Variants in BICC1 observed in about 807,000 individuals in gnomAD.
The protein encoded by BICC1 is protein bicaudal C homolog 1.
BICC1 carries 43 observed loss-of-function variants against 111.0 expected under a neutral mutation model. That is an observed-to-expected ratio of 0.39 (90% CI 0.30 to 0.50). The LOEUF is 0.50. BICC1 is among the 20% of genes least tolerant of loss of function. The pLI is 0.88. For missense variants in BICC1, 1,091 were observed against 1,203.2 expected (o/e 0.91, Z 1.38); for synonymous variants, 467 against 434.4 (o/e 1.07, Z -0.93).
chr10:58,530,702 G>A (rs1649088), intron 1 of BICC1, among the ~76,000 whole-genome samples: 1,082 of 42,054 alleles, frequency 0.026, 61 homozygotes, highest in Admixed American at 0.04. Flanking sequence ...AAAAAAAAAA[G>A]AAAATCAGAA....
chr10:58,654,617 T>C (rs1838569823), intron 2 of BICC1, among the ~76,000 whole-genome samples: 1 of 89,416 alleles, frequency 1.1e-5, no homozygotes, highest in African/African-American at 3.9e-5. Context: ...GACAATTTTC[T>C]CCCATTTTGT....
intron 1 of BICC1, among the ~76,000 whole-genome samples, chr10:58,586,687 C>G (rs111346791): frequency 1.3e-5 from 2 of 151,586 alleles, no homozygotes; most frequent in Non-Finnish European, 2.9e-5. Context: ...CCCACACACA[C>G]TATATCCACA....
chr10:58,715,490 C>A, intron 3 of BICC1: 1 of 934,996 alleles, frequency 1.1e-6, no homozygotes, highest in Non-Finnish European at 1.7e-6. Context: ...TGTGGCAGGC[C>A]CTCTTCGGCC....
At chr10:58,808,914 C>A (rs1346515436) in intron 17 of BICC1, among the ~76,000 whole-genome samples, 2 of 151,996 alleles carry the variant, frequency 1.3e-5, no homozygotes, top group African/African-American at 4.8e-5. Flanking sequence ...AGAGTTTCAC[C>A]ATGTTGACCA....
chr10:58,534,617 AATGAGAAGAAATAGTCT>A (rs1196997406), intron 1 of BICC1, among the ~76,000 whole-genome samples: 1 of 151,670 alleles, frequency 6.6e-6, no homozygotes, highest in Non-Finnish European at 1.5e-5. Flanking sequence ...ATTCAAAAAT[AATGAGAAGAAATAGTCT>A]ACCCAAATGA....
chr10:58,566,676 T>G (rs1447417284), intron 1 of BICC1, among the ~76,000 whole-genome samples: 1 of 152,140 alleles, frequency 6.6e-6, no homozygotes, highest in Non-Finnish European at 1.5e-5. Flanking sequence ...TATTTTTTGA[T>G]TTTTTTGACT....
In BICC1 at chr10:58,554,248, C is replaced by G. The variant is rs569405123; in HGVS notation, c.190+40915C>G. ...TCTACAGTTAAGGAAAGCTGAGAGT[C>G]AGAGAGGACAATTTAAGTGATGAGC... On this transcript the variant is annotated intron_variant, in intron 1 of 20. Coordinates refer to ENST00000373886, the MANE Select transcript of BICC1 (RefSeq NM_001080512.3). Among the ~76,000 whole-genome samples the G allele has an allele frequency of 1.6e-4, 24 of 152,162 alleles. 1 individual carries two copies. Among genetic ancestry groups the G allele is most frequent in the African/African-American group, 5.3e-4 (22 of 41,536 alleles).
At chr10:58,677,910 T>C (rs1032567032) in intron 2 of BICC1, among the ~76,000 whole-genome samples, 3 of 151,932 alleles carry the variant, frequency 2.0e-5, no homozygotes, top group African/African-American at 7.2e-5. Context: ...TTAAAAGAAT[T>C]TTCAACCCAG....
intron 2 of BICC1, among the ~76,000 whole-genome samples, chr10:58,633,977 CTTTTTTTTTTTTCTTTTCTTTTTT>C (rs1837874258): frequency 7.2e-6 from 1 of 138,170 alleles, no homozygotes; most frequent in African/African-American, 2.7e-5. Context: ...TTTTCTTTTT[CTTTTTTTTTTTTCTTTTCTTTTTT>C]TTTTTTTTTT....
At chr10:58,665,305 T>C (rs1838975011) in intron 2 of BICC1, among the ~76,000 whole-genome samples, 1 of 152,148 alleles carries the variant, frequency 6.6e-6, no homozygotes, top group South Asian at 2.1e-4. Context: ...TTTTGATAAC[T>C]TCTCTTGTGT....
intron 1 of BICC1, among the ~76,000 whole-genome samples, chr10:58,557,190 TCTA>T (rs1411850883): frequency 1.3e-5 from 2 of 152,132 alleles, no homozygotes; most frequent in Non-Finnish European, 2.9e-5. Flanking sequence ...TTTAAGATGT[TCTA>T]CTCTTTTCTG....
chr10:58,583,594 G>C (rs879464779), intron 1 of BICC1, among the ~76,000 whole-genome samples: 8,687 of 144,872 alleles, frequency 0.06, 479 homozygotes, highest in African/African-American at 0.15. Context: ...CTGTGTGTGT[G>C]TGTGTGTGTG....
chr10:58,534,028 A>G (rs140000507), intron 1 of BICC1, among the ~76,000 whole-genome samples: 145 of 152,046 alleles, frequency 9.5e-4, no homozygotes, highest in African/African-American at 3.4e-3. Flanking sequence ...GCTGTCTACA[A>G]GACACTTTAG....
chr10:58,561,000 A>G (rs7918102), intron 1 of BICC1, among the ~76,000 whole-genome samples: 3,887 of 152,092 alleles, frequency 0.026, 179 homozygotes, highest in African/African-American at 0.09. Flanking sequence ...GAATGTGTAT[A>G]CAGTAGCTGT....
intron 3 of BICC1, among the ~76,000 whole-genome samples, chr10:58,747,549 A>T (rs1841869507): frequency 1.3e-5 from 2 of 152,108 alleles, no homozygotes; most frequent in Non-Finnish European, 2.9e-5. Context: ...TATGTATATG[A>T]TGTGGAATGA....
intron 3 of BICC1, among the ~76,000 whole-genome samples, chr10:58,730,133 C>A (rs1040461487): frequency 6.6e-6 from 1 of 152,140 alleles, no homozygotes. Flanking sequence ...TTAGTTACTT[C>A]CAAGATACAA....
At chr10:58,552,666 CAT>C (rs1359108391) in intron 1 of BICC1, among the ~76,000 whole-genome samples, 3 of 152,100 alleles carry the variant, frequency 2.0e-5, no homozygotes, top group African/African-American at 7.2e-5. Flanking sequence ...TGTGCTATGT[CAT>C]ATAGTATTTT....
intron 2 of BICC1, among the ~76,000 whole-genome samples, chr10:58,663,230 C>A (rs10826212): frequency 0.25 from 37,629 of 151,628 alleles, 5,934 homozygotes; most frequent in African/African-American, 0.45. Context: ...CCATACCTGG[C>A]TAATTTTTTT....
At chr10:58,713,177 A>G (rs547860494) in intron 3 of BICC1, among the ~76,000 whole-genome samples, 69 of 152,334 alleles carry the variant, frequency 4.5e-4, no homozygotes, top group African/African-American at 1.6e-3. Context: ...ATTCAACACC[A>G]GGTGGCGACT....
Sources: gnomAD v4.1 joint callset for allele counts (sites outside exome capture counted in the v4.1 genomes callset) on GRCh38, gnomAD v4.1.1 for gene constraint, MANE v1.5 for transcripts, NCBI Gene and HGNC (gene_info 2026-07-23, HGNC 2026-07-21) for gene names.